The following DLD variants were observed in gnomAD, a reference collection of about 807,000 sequenced individuals.
DLD encodes the protein dihydrolipoyl dehydrogenase, mitochondrial.
Under a neutral mutation model 62.2 loss-of-function variants are expected in DLD, and 36 were observed. The ratio of observed to expected loss-of-function variants is 0.58; its 90% CI spans 0.44 to 0.76. The LOEUF (loss-of-function observed/expected upper bound fraction) is 0.76. Ranked by LOEUF, DLD falls within the 30% of genes least tolerant of loss-of-function variation. The pLI is 0.00. For synonymous variants in DLD, 204 were observed against 199.6 expected (o/e 1.02, Z -0.19); for missense variants, 541 against 608.6 (o/e 0.89, Z 1.17).
chr7:107,897,375 A>G (rs929241868), intron 2 of DLD, among the ~76,000 whole-genome samples: 2 of 152,176 alleles, frequency 1.3e-5, no homozygotes, highest in African/African-American at 4.8e-5. Flanking sequence ...ACCTTGTTTG[A>G]ATCCTGGCTA....
Position 107,896,463 on chromosome 7 carries a change from T to C in DLD, c.118+3185T>C, listed in dbSNP as rs74843928. Among the ~76,000 whole-genome samples, 33 of 152,338 alleles carry C rather than the reference T, an allele frequency of 2.2e-4. No homozygotes were observed. The East Asian group carries it at 6.2e-3, about 28-fold the overall frequency. Reference sequence around the variant, plus strand: ...CAAAGCCCAGAGAGATTGAGTAATTTGCCCAAGAACTTAACGGGGTTAGAG... The same window carrying C: ...CAAAGCCCAGAGAGATTGAGTAATTCGCCCAAGAACTTAACGGGGTTAGAG... On this transcript the variant is annotated intron_variant, in intron 2 of 13. Transcript: ENST00000205402.
At position 107,914,383 on chromosome 7, in the gene DLD, C is replaced by T. The variant is rs534811952; in HGVS notation, c.685-1123C>T. The stretch of plus-strand genomic sequence containing the variant: ...AAGACTTTCTAATTTTGACAAAGTC[C>T]AATTTATCATTTTTCTTTTATGGAT... On this transcript the variant is annotated intron_variant, in intron 8 of 13. Transcript: ENST00000205402. 3.3e-5 allele frequency among the ~76,000 whole-genome samples: 5 copies of T among 152,038 alleles called. No homozygotes were observed. In the East Asian group the frequency reaches 9.7e-4, roughly 29 times the overall value.
chr7:107,911,342 T>C (rs2032134653), intron 8 of DLD, among the ~76,000 whole-genome samples: 3 of 152,212 alleles, frequency 2.0e-5, no homozygotes, highest in Admixed American at 2.0e-4. Flanking sequence ...TCTGGCTAAA[T>C]ATCTCATTCT....
At chr7:107,905,213 G>A (rs2031974473) in intron 6 of DLD, 148 bp from the exon 7 acceptor site, 1 of 1,047,812 alleles carries the variant, frequency 9.5e-7, no homozygotes, top group Admixed American at 2.1e-5. Flanking sequence ...ATATATCACA[G>A]ATTTTTTTGC....
At chr7:107,911,497 A>G (rs1451043205) in intron 8 of DLD, among the ~76,000 whole-genome samples, 1 of 152,122 alleles carries the variant, frequency 6.6e-6, no homozygotes, top group African/African-American at 2.4e-5. Context: ...TCTTGGGTAT[A>G]TAACTGGATG....
At chr7:107,895,098 A>G (rs1357699476) in intron 2 of DLD, among the ~76,000 whole-genome samples, 1 of 152,196 alleles carries the variant, frequency 6.6e-6, no homozygotes, top group African/African-American at 2.4e-5. Flanking sequence ...CAACAGCAAT[A>G]ATATTAACTG....
chr7:107,894,901 C>T (rs1209896479), intron 2 of DLD, among the ~76,000 whole-genome samples: 1 of 152,194 alleles, frequency 6.6e-6, no homozygotes, highest in Non-Finnish European at 1.5e-5. Context: ...CTGTCTTTTC[C>T]TCAGGAATGC....
At position 107,891,606 on chromosome 7, in the gene DLD, G is replaced by C. The variant is rs75897288; in HGVS notation, c.39+317G>C. 3.2e-3 allele frequency: 1,744 copies of C among 540,026 alleles called. 28 individuals carry two copies. Among genetic ancestry groups the C allele is most frequent in the African/African-American group, 0.03 (1,544 of 52,328 alleles). The allele number at this position is 540,026 out of a possible 1,614,324, so 33.5% of individuals were successfully genotyped here. The stretch of plus-strand genomic sequence containing the variant: ...CGGTCACACATAGGCCTCTACCTTG[G>C]AGGAAGTGTAAGCCACCCATGTCCC... On this transcript the variant is annotated intron_variant, in intron 1 of 13. Transcript: ENST00000205402.
intron 8 of DLD, among the ~76,000 whole-genome samples, chr7:107,910,526 T>G (rs13310357): frequency 6.6e-6 from 1 of 152,246 alleles, no homozygotes; most frequent in Non-Finnish European, 1.5e-5. Flanking sequence ...TTTCATTTTT[T>G]ATATTTTGCC....
chr7:107,919,538 G>A lies in DLD; in HGVS notation c.*279G>A. 1 of 279,642 alleles carries A rather than the reference G, an allele frequency of 3.6e-6. No individual in the cohort carries two copies. The highest frequency in any genetic ancestry group is 8.3e-5 in the East Asian group (1 of 12,056). 17.3% of individuals were successfully genotyped at this position (279,642 alleles called of 1,614,324 possible). ...CAACTCATATTTTCATGCTGTTCAT[G>A]AAAGATTCAATGCCCCTGAATTTAA... On this transcript the variant is annotated 3_prime_UTR_variant, in exon 14 of 14. Transcript: ENST00000205402.
intron 3 of DLD, 129 bp from the exon 4 acceptor site, chr7:107,902,192 CTATA>C (rs2031892380): frequency 2.8e-5 from 21 of 750,864 alleles, no homozygotes; most frequent in Non-Finnish European, 6.9e-6. Context: ...TTATAAAGGA[CTATA>C]TATTTTAGTC....
chr7:107,914,547 T>G (rs1043669012), intron 8 of DLD, among the ~76,000 whole-genome samples: 2 of 152,188 alleles, frequency 1.3e-5, no homozygotes, highest in Non-Finnish European at 2.9e-5. Context: ...GAGTTAACTT[T>G]TATATATACG....
intron 8 of DLD, among the ~76,000 whole-genome samples, chr7:107,913,738 A>G (rs1355240950): frequency 6.6e-6 from 1 of 152,048 alleles, no homozygotes; most frequent in African/African-American, 2.4e-5. Flanking sequence ...CTCCTCTACA[A>G]TTGCTGAGGC....
intron 2 of DLD, among the ~76,000 whole-genome samples, chr7:107,894,862 A>G (rs2031678746): frequency 6.6e-6 from 1 of 152,214 alleles, no homozygotes; most frequent in South Asian, 2.1e-4. Flanking sequence ...TTACACACAT[A>G]CTTGTATTTT....
intron 1 of DLD, among the ~76,000 whole-genome samples, chr7:107,892,229 T>G (rs965017519): frequency 6.6e-6 from 1 of 152,204 alleles, no homozygotes; most frequent in Non-Finnish European, 1.5e-5. Flanking sequence ...TTTGCTTGCT[T>G]GCTTTCTGCC....
chr7:107,919,493 G>A lies in DLD; in HGVS notation c.*234G>A. 6 of 404,546 alleles carry A rather than the reference G, an allele frequency of 1.5e-5. No homozygotes were observed. The highest frequency in any genetic ancestry group is 2.6e-5 in the Non-Finnish European group (6 of 226,824). 25.1% of individuals were successfully genotyped at this position (404,546 alleles called of 1,614,324 possible). A position where few individuals can be genotyped will look rare whatever the true frequency, so the allele number is the denominator to read the frequency against. On this transcript the variant is annotated 3_prime_UTR_variant, in exon 14 of 14. Transcript: ENST00000205402. ...GTAAGACAAAAAGCTACTTATTGTA[G>A]CATCCTGGAATATCTCCGTCAACTC...
At position 107,917,391 on chromosome 7, in the gene DLD, G is replaced by A; in HGVS notation, c.1165G>A (p.Val389Met). ...TGCTGTGCACATTGACTACAATTGT[G>A]TGCCATCAGTGATTTACACACACCC... ...GGAVHIDYNCVPSVIYTHPEV... is the reference protein window; with the variant it reads ...GGAVHIDYNCMPSVIYTHPEV... Residue 389 changes from valine (V) to methionine (M), a missense_variant, in exon 11 of 14, where the codon GTG becomes ATG. By Grantham distance (21) the Val-to-Met change is conservative (BLOSUM62 1). Coordinates refer to ENST00000205402, the MANE Select transcript of DLD (RefSeq NM_000108.5). 1 of 1,614,178 alleles carries A rather than the reference G, an allele frequency of 6.2e-7. No individual in the cohort carries two copies. Among genetic ancestry groups the A allele is most frequent in the Non-Finnish European group, 8.5e-7 (1 of 1,180,030 alleles).
chr7:107,916,031 G>T (rs2032260211), intron 9 of DLD, among the ~76,000 whole-genome samples: 2 of 152,070 alleles, frequency 1.3e-5, no homozygotes, highest in South Asian at 2.1e-4. Flanking sequence ...TATATGTCTG[G>T]TACTCTACTG....
chr7:107,905,084 G>C, intron 6 of DLD, 26 bp downstream of exon 6: 2 of 1,497,718 alleles, frequency 1.3e-6, no homozygotes, highest in Non-Finnish European at 1.9e-6. Flanking sequence ...TCAGATTTCT[G>C]CTTTACTTTG....
Sources: gnomAD v4.1 joint callset for allele counts (sites outside exome capture counted in the v4.1 genomes callset) on GRCh38, gnomAD v4.1.1 for gene constraint, MANE v1.5 for transcripts, NCBI Gene and HGNC (gene_info 2026-07-23, HGNC 2026-07-21) for gene names.